SVEP1: variants seen among roughly 807,000 people sequenced by gnomAD.
The protein encoded by SVEP1 is sushi, von Willebrand factor type A, EGF and pentraxin domain containing 1.
In SVEP1, 164 loss-of-function variants were observed where a neutral mutation model predicts 367.3. The ratio of observed to expected loss-of-function variants is 0.45; its 90% CI spans 0.39 to 0.51. SVEP1 has a LOEUF of 0.51. Ranked by LOEUF, SVEP1 falls within the 20% of genes least tolerant of loss-of-function variation. The probability of loss-of-function intolerance (pLI) is 0.00; values close to 1 mark genes in which losing one functional copy is unlikely to be tolerated. For missense variants in SVEP1, 4,117 were observed against 4,425.3 expected (o/e 0.93, Z 1.98); for synonymous variants, 1,666 against 1,611.6 (o/e 1.03, Z -0.81).
intron 13 of SVEP1, among the ~76,000 whole-genome samples, chr9:110,477,811 A>G (rs1404039296): frequency 6.6e-6 from 1 of 152,106 alleles, no homozygotes; most frequent in Non-Finnish European, 1.5e-5. Flanking sequence ...GTGCCACCCA[A>G]GCCACCATCA....
At chr9:110,501,391 T>C (rs1282332321) in intron 6 of SVEP1, among the ~76,000 whole-genome samples, 4 of 132,652 alleles carry the variant, frequency 3.0e-5, no homozygotes, top group African/African-American at 1.1e-4. Flanking sequence ...TATCATTGTA[T>C]ATAGAAAAGC....
Position 110,479,671 on chromosome 9 carries a change from C to T in SVEP1, c.2451G>A (p.Lys817=). The change falls in exon 13 of 48, where the codon AAG becomes AAA. Residue 817 remains lysine (K), a synonymous_variant. Transcript: ENST00000374469. ...GGGTCGTCTCAAATGCTTCAGAAAA[C>T]TTCTTCATCAGATCTGTGTCATCAC... ...ARCDDTDLMK[K]FSEAFETTLG... The T allele has an allele frequency of 2.5e-6, 4 of 1,609,984 alleles. No homozygotes were observed. The highest frequency in any genetic ancestry group is 1.1e-5 in the South Asian group (1 of 90,182).
intron 36 of SVEP1, among the ~76,000 whole-genome samples, chr9:110,415,324 T>C (rs1473411852): frequency 2.0e-5 from 3 of 151,976 alleles, no homozygotes; most frequent in African/African-American, 2.4e-5. Flanking sequence ...GAAAACTCGG[T>C]GAGACAGATG....
Position 110,579,571 on chromosome 9 carries a change from G to T in SVEP1, c.-28C>A. The stretch of plus-strand genomic sequence containing the variant: ...CGCTGGAGACAGAGCGGCTGCCCCG[G>T]AGCGCAGGCGGCGGCTCGGGCGGGA... On this transcript the variant is annotated 5_prime_UTR_variant, in exon 1 of 48. Coordinates refer to ENST00000374469, the MANE Select transcript of SVEP1 (RefSeq NM_153366.4). The surrounding 1 kb of genome is among the most constrained non-coding windows in gnomAD (Gnocchi z 5.3). The T allele has an allele frequency of 1.9e-6, 3 of 1,541,094 alleles. No individual in the cohort carries two copies. The highest frequency in any genetic ancestry group is 2.4e-5 in the South Asian group (2 of 82,140).
At chr9:110,434,615 T>G in intron 29 of SVEP1, 109 bp from the exon 30 acceptor site, 1 of 814,206 alleles carries the variant, frequency 1.2e-6, no homozygotes, top group Admixed American at 4.1e-5. Context: ...GCCACCTTAC[T>G]GATGTGAAAA....
chr9:110,406,968 T>A lies in SVEP1; in HGVS notation c.8632A>T (p.Ser2878Cys), dbSNP rs751576973. ...ARSRVCLANG[S>C]WSGATPDCVP... ...CAGTCGGGAGTGGCTCCACTCCAAC[T>A]TCCATTGGCAAGACAAACCCGACTC... is the stretch of plus-strand genomic sequence containing the variant. The change falls in exon 38 of 48, where the codon AGT (serine) becomes TGT (cysteine). Residue 2878 changes from serine (S) to cysteine (C), a missense_variant. Physicochemically the swap from Ser to Cys is moderately radical, Grantham distance 112. Coordinates refer to ENST00000374469, the MANE Select transcript of SVEP1 (RefSeq NM_153366.4). 5.0e-6 allele frequency: 8 copies of A among 1,613,772 alleles called. No homozygotes were observed. The Admixed American group carries it at 5.0e-5, about 10-fold the overall frequency.
intron 42 of SVEP1, among the ~76,000 whole-genome samples, chr9:110,386,718 T>C (rs1827529467): frequency 6.6e-6 from 1 of 152,266 alleles, no homozygotes; most frequent in African/African-American, 2.4e-5. Context: ...TCAACACATA[T>C]TTCAAGCAAT....
chr9:110,407,975 C>T lies in SVEP1; in HGVS notation c.7625G>A (p.Gly2542Asp). 4 of 1,614,012 alleles carry T rather than the reference C, an allele frequency of 2.5e-6. No homozygotes were observed. Among genetic ancestry groups the T allele is most frequent in the Non-Finnish European group, 2.5e-6 (3 of 1,179,894 alleles). Residue 2542 changes from glycine to aspartate, a missense_variant, in exon 38 of 48, where the codon GGT (glycine) becomes GAT (aspartate). Gly to Asp is a moderately conservative substitution (Grantham distance 94). Transcript: ENST00000374469. ...AGATGGGGCATCTACATCCCAATCA[C>T]CTGTCTCTAAACAGGTCAAGGCACT... ...GPSALTCLET[G>D]DWDVDAPSCN...
intron 17 of SVEP1, among the ~76,000 whole-genome samples, chr9:110,467,001 C>T (rs1439793520): frequency 6.6e-6 from 1 of 152,058 alleles, no homozygotes; most frequent in Non-Finnish European, 1.5e-5. Context: ...CTGCTTTTGA[C>T]CTCCAAACAA....
At chr9:110,426,726 C>A (rs1445896912) in intron 36 of SVEP1, among the ~76,000 whole-genome samples, 1 of 152,080 alleles carries the variant, frequency 6.6e-6, no homozygotes, top group African/African-American at 2.4e-5. Flanking sequence ...GCATTGAGAC[C>A]CTAAACTGAT....
chr9:110,483,951 G>GAAA (rs1829238195), intron 9 of SVEP1, among the ~76,000 whole-genome samples: 1 of 152,186 alleles, frequency 6.6e-6, no homozygotes, highest in Non-Finnish European at 1.5e-5. Context: ...ACAAGTGTGT[G>GAAA]AAAGGCAATT....
chr9:110,384,576 T>C (rs570273234), intron 43 of SVEP1, among the ~76,000 whole-genome samples: 1 of 118,040 alleles, frequency 8.5e-6, no homozygotes, highest in South Asian at 2.7e-4. Context: ...TTAGGAAATA[T>C]TGCTAATATG....
At chr9:110,573,819 A>G (rs1830593809) in intron 1 of SVEP1, among the ~76,000 whole-genome samples, 2 of 152,216 alleles carry the variant, frequency 1.3e-5, no homozygotes, top group South Asian at 4.1e-4. Context: ...ACAGCTGAAG[A>G]GCTTTTCATT....
At chr9:110,577,227 A>G (rs1830637511) in intron 1 of SVEP1, among the ~76,000 whole-genome samples, 1 of 152,242 alleles carries the variant, frequency 6.6e-6, no homozygotes, top group Admixed American at 6.5e-5. Flanking sequence ...AATTTGCACT[A>G]CCAGATATTT....
chr9:110,526,935 A>G (rs950893643), intron 3 of SVEP1, among the ~76,000 whole-genome samples: 3 of 152,140 alleles, frequency 2.0e-5, no homozygotes, highest in Non-Finnish European at 4.4e-5. Flanking sequence ...AATATGTCAC[A>G]TTCTGCATGG....
chr9:110,408,990 T>C (rs1828002816), intron 37 of SVEP1, 39 bp from the exon 38 acceptor site: 3 of 1,518,346 alleles, frequency 2.0e-6, no homozygotes, highest in African/African-American at 1.4e-5. Flanking sequence ...GCGATTTGTA[T>C]AACAGATGAT....
At chr9:110,428,690 A>G (rs943895452) in intron 35 of SVEP1, among the ~76,000 whole-genome samples, 2 of 152,228 alleles carry the variant, frequency 1.3e-5, no homozygotes, top group African/African-American at 2.4e-5. Context: ...TTAGCTAGGT[A>G]GGCCTCGGGA....
Position 110,546,284 on chromosome 9 carries a change from A to C in SVEP1, c.795T>G (p.Pro265=), listed in dbSNP as rs1442204234. The C allele has an allele frequency of 6.3e-7, 1 of 1,586,728 alleles. No individual in the cohort carries two copies. Among genetic ancestry groups the C allele is most frequent in the Admixed American group, 1.8e-5 (1 of 56,028 alleles). ...TATCATCTTGAATAAAACTCCCAGA[A>C]GGTAGATCTACAAATAACATATGAC... The part of the protein sequence containing the change: ...LARRALHEDL[P]SGSFIQDDMV... Residue 265 remains proline (P), a synonymous_variant, in exon 3 of 48, where the codon CCT becomes CCG. Coordinates refer to ENST00000374469, the MANE Select transcript of SVEP1 (RefSeq NM_153366.4).
chr9:110,375,332 G>A, intron 46 of SVEP1, 36 bp downstream of exon 46: 1 of 1,519,018 alleles, frequency 6.6e-7, no homozygotes, highest in Non-Finnish European at 8.9e-7. Flanking sequence ...TCATGGGCCT[G>A]AGCCACCAAG....
Sources: allele counts gnomAD v4.1 joint callset (sites outside exome capture counted in the v4.1 genomes callset), GRCh38; gene constraint gnomAD v4.1.1; non-coding constraint Gnocchi (gnomAD v3.1); transcripts MANE v1.5; gene names NCBI Gene and HGNC (gene_info 2026-07-23, HGNC 2026-07-21).